The following FGF14 variants were observed in gnomAD, a reference collection of about 807,000 sequenced individuals.
FGF14 encodes the protein fibroblast growth factor 14.
FGF14 carries 5 observed loss-of-function variants against 25.5 expected under a neutral mutation model. That is an observed-to-expected ratio of 0.20 (90% CI 0.10 to 0.41). The LOEUF (loss-of-function observed/expected upper bound fraction) is 0.41, where lower values mean the gene tolerates loss of function less well. FGF14 is among the 10% of genes least tolerant of loss of function. The pLI, the probability that FGF14 is intolerant of heterozygous loss-of-function variation, is 1.00. For missense variants in FGF14, 222 were observed against 320.1 expected (o/e 0.69, Z 2.34); for synonymous variants, 138 against 118.3 (o/e 1.17, Z -1.08).
At chr13:101,886,010 A>C (rs926626842) in intron 1 of FGF14, among the ~76,000 whole-genome samples, 1 of 152,172 alleles carries the variant, frequency 6.6e-6, no homozygotes, top group African/African-American at 2.4e-5. Flanking sequence ...ATGTTTGTGA[A>C]AACCAAACAA....
chr13:102,195,090 C>A (rs1455702161), intron 1 of FGF14, among the ~76,000 whole-genome samples: 1 of 152,000 alleles, frequency 6.6e-6, no homozygotes, highest in Admixed American at 6.6e-5. Context: ...ACTTATAAAT[C>A]TACTCTATAA....
intron 3 of FGF14, among the ~76,000 whole-genome samples, chr13:101,760,211 A>C (rs749769200): frequency 1.3e-5 from 2 of 152,210 alleles, no homozygotes; most frequent in African/African-American, 2.4e-5. Context: ...AGGCAAGACT[A>C]TTCCTATCAG....
In FGF14 at chr13:101,754,964, T is replaced by C. The variant is rs143647654; in HGVS notation, c.409-28154A>G. ...TAACAGAAATGGAAGTTAAATGACA[T>C]ATCTTTTTGCCTAAGAACTTATACG... On this transcript the variant is annotated intron_variant, in intron 3 of 4. Transcript: ENST00000376143. Among the ~76,000 whole-genome samples, 1,306 of 152,262 alleles carry C rather than the reference T, an allele frequency of 8.6e-3. 13 individuals carry two copies. Among genetic ancestry groups the C allele is most frequent in the African/African-American group, 0.029 (1,221 of 41,540 alleles).
intron 3 of FGF14, among the ~76,000 whole-genome samples, chr13:101,834,103 G>A (rs920508820): frequency 6.6e-6 from 1 of 152,018 alleles, no homozygotes; most frequent in African/African-American, 2.4e-5. Flanking sequence ...CTGAAAAAAT[G>A]TGAAACACTG....
intron 3 of FGF14, among the ~76,000 whole-genome samples, chr13:101,772,249 A>G (rs766439667): frequency 3.6e-4 from 55 of 152,262 alleles, no homozygotes; most frequent in Non-Finnish European, 7.5e-4. Context: ...GAAAAGTGCC[A>G]GAATTTTCTA....
chr13:102,130,765 T>C (rs1378850556), intron 1 of FGF14, among the ~76,000 whole-genome samples: 2 of 152,126 alleles, frequency 1.3e-5, no homozygotes, highest in Non-Finnish European at 2.9e-5. Flanking sequence ...ATCTAGGTTG[T>C]TGAAGTGAAC....
intron 1 of FGF14, among the ~76,000 whole-genome samples, chr13:102,244,475 A>C (rs921837583): frequency 1.6e-4 from 24 of 150,394 alleles, no homozygotes; most frequent in South Asian, 4.2e-4. Flanking sequence ...AAAAAAAAAA[A>C]CTTCCTTAAA....
At chr13:101,859,232 A>T (rs1002508121) in intron 3 of FGF14, among the ~76,000 whole-genome samples, 1 of 152,128 alleles carries the variant, frequency 6.6e-6, no homozygotes, top group African/African-American at 2.4e-5. Context: ...ATAATTAATC[A>T]AGAAGTACAG....
chr13:101,882,109 T>C (rs1421073408), intron 1 of FGF14, among the ~76,000 whole-genome samples: 1 of 151,864 alleles, frequency 6.6e-6, no homozygotes, highest in Non-Finnish European at 1.5e-5. Flanking sequence ...TTAAATTTAA[T>C]ACACAGATTT....
chr13:102,242,516 G>T (rs1239826665), intron 1 of FGF14, among the ~76,000 whole-genome samples: 3 of 152,128 alleles, frequency 2.0e-5, no homozygotes, highest in Middle Eastern at 3.4e-3. Flanking sequence ...AAGAGAGATA[G>T]AGAGAGAAAA....
chr13:102,294,183 TCTG>T (rs2141280606), intron 1 of FGF14: 1 of 152,336 alleles, frequency 6.6e-6, no homozygotes, highest in Admixed American at 6.5e-5. Flanking sequence ...CTATGAATGA[TCTG>T]CTACAACTAA....
At chr13:102,253,175 G>A (rs1045966428) in intron 1 of FGF14, among the ~76,000 whole-genome samples, 3 of 152,088 alleles carry the variant, frequency 2.0e-5, no homozygotes, top group East Asian at 3.9e-4. Context: ...AATCCTTTGG[G>A]TATATACGCA....
intron 4 of FGF14, among the ~76,000 whole-genome samples, chr13:101,724,856 TTC>T (rs550562677): frequency 8.5e-4 from 129 of 151,366 alleles, no homozygotes; most frequent in East Asian, 1.7e-3. Context: ...AAAGTATTAT[TTC>T]TCTCTTTCTC....
intron 1 of FGF14, among the ~76,000 whole-genome samples, chr13:102,027,781 A>G (rs1179313804): frequency 6.6e-6 from 1 of 151,878 alleles, no homozygotes; most frequent in Non-Finnish European, 1.5e-5. Context: ...TTCATGCTTG[A>G]CTGGGGCTGA....
chr13:101,940,237 G>A (rs2035358391), intron 1 of FGF14, among the ~76,000 whole-genome samples: 1 of 152,224 alleles, frequency 6.6e-6, no homozygotes, highest in Admixed American at 6.5e-5. Flanking sequence ...ACAGGAGAAA[G>A]TGAAGAACAG....
intron 1 of FGF14, among the ~76,000 whole-genome samples, chr13:102,181,991 A>G (rs1329515110): frequency 2.0e-5 from 3 of 152,062 alleles, no homozygotes; most frequent in African/African-American, 7.2e-5. Context: ...AACTGTGAAA[A>G]CGTTTTTAAA....
chr13:102,247,449 AAAG>A (rs1395739524), intron 1 of FGF14, among the ~76,000 whole-genome samples: 1 of 152,206 alleles, frequency 6.6e-6, no homozygotes, highest in Non-Finnish European at 1.5e-5. Flanking sequence ...GCACTTTTCT[AAAG>A]AAGACATACA....
intron 1 of FGF14, among the ~76,000 whole-genome samples, chr13:102,233,293 G>A (rs769475438): frequency 4.6e-5 from 7 of 151,650 alleles, no homozygotes; most frequent in African/African-American, 7.3e-5. Flanking sequence ...CACCACACCC[G>A]GCTAATTTTT....
At chr13:101,824,489 T>A (rs1384702190) in intron 3 of FGF14, among the ~76,000 whole-genome samples, 1 of 152,212 alleles carries the variant, frequency 6.6e-6, no homozygotes, top group Non-Finnish European at 1.5e-5. Context: ...TTTTGTTTGA[T>A]TTTTTAAATT....
Sources: gnomAD v4.1 joint callset for allele counts (sites outside exome capture counted in the v4.1 genomes callset) on GRCh38, gnomAD v4.1.1 for gene constraint, MANE v1.5 for transcripts, NCBI Gene and HGNC (gene_info 2026-07-23, HGNC 2026-07-21) for gene names.